FCF1: variants seen among roughly 807,000 people sequenced by gnomAD.
FCF1 encodes the protein FCF1 rRNA-processing protein, also known as rRNA-processing protein FCF1 homolog.
In FCF1, 17 loss-of-function variants were observed where a neutral mutation model predicts 32.5. That is an observed-to-expected ratio of 0.52 (90% confidence interval 0.36 to 0.78). The LOEUF (loss-of-function observed/expected upper bound fraction) is 0.78. Ranked by LOEUF, FCF1 falls within the 30% of genes least tolerant of loss-of-function variation. The pLI is 0.00. For synonymous variants in FCF1, 84 were observed against 78.4 expected, an observed-to-expected ratio of 1.07 and a Z score of -0.38; for missense variants, 201 against 241.1, an observed-to-expected ratio of 0.83 and a Z score of 1.10.
At chr14:74,720,675 T>TCTTG (rs2090489109) in intron 4 of FCF1, among the ~76,000 whole-genome samples, 1 of 152,146 alleles carries the variant, frequency 6.6e-6, no homozygotes, top group Non-Finnish European at 1.5e-5. Flanking sequence ...TGAGTCAAGG[T>TCTTG]CTTGCTATGT....
At chr14:74,714,681 C>T (rs1167402812) in intron 2 of FCF1, among the ~76,000 whole-genome samples, 191 bp from the exon 3 acceptor site, 4 of 151,846 alleles carry the variant, frequency 2.6e-5, no homozygotes, top group Non-Finnish European at 5.9e-5. Flanking sequence ...AATTCTGATA[C>T]TTCCAGGTAC....
rs1017937063 is a variant in FCF1, at chr14:74,736,431, AT to A, written c.*1502del. On this transcript the variant is annotated 3_prime_UTR_variant, in exon 8 of 8. Coordinates refer to ENST00000341162, the MANE Select transcript of FCF1 (RefSeq NM_015962.5). ...TCTCAAAAAAAAAAAAAAATTAATG[AT>A]GGTCAAAGGGTATAAAATCTCAGAC... is the stretch of plus-strand genomic sequence containing the variant. 35 of 151,778 alleles carry A rather than the reference AT, an allele frequency of 2.3e-4. No homozygotes were observed. Among genetic ancestry groups the A allele is most frequent in the African/African-American group, 8.5e-4 (35 of 41,280 alleles). 9.4% of individuals were successfully genotyped at this position (151,778 alleles called of 1,614,324 possible).
chr14:74,733,694 A>G (rs1011184636), intron 6 of FCF1, among the ~76,000 whole-genome samples: 7 of 152,152 alleles, frequency 4.6e-5, no homozygotes, highest in African/African-American at 1.4e-4. Flanking sequence ...GGAGGGAGCT[A>G]TGGCCTCCAA....
chr14:74,716,153 A>G, intron 4 of FCF1, 54 bp downstream of exon 4: 1 of 1,532,438 alleles, frequency 6.5e-7, no homozygotes, highest in Non-Finnish European at 9.0e-7. Flanking sequence ...AATTATATTT[A>G]TACAAATACA....
At chr14:74,724,745 A>G (rs926542579) in intron 5 of FCF1, among the ~76,000 whole-genome samples, 1 of 152,030 alleles carries the variant, frequency 6.6e-6, no homozygotes, top group African/African-American at 2.4e-5. Flanking sequence ...TCTCCACAAA[A>G]AGTAAAAAAA....
Position 74,718,567 on chromosome 14 carries a change from A to G in FCF1, c.292+2468A>G, listed in dbSNP as rs368371490. On this transcript the variant is annotated intron_variant, in intron 4 of 7. Coordinates refer to ENST00000341162, the MANE Select transcript of FCF1 (RefSeq NM_015962.5). The stretch of plus-strand genomic sequence containing the variant: ...CTGCTCACTGCAACCTCTGCCTCCC[A>G]GGTTCAAGTGATTCTCCTGCCTCAG... Among the ~76,000 whole-genome samples the G allele has an allele frequency of 2.0e-5, 3 of 151,864 alleles. No individual in the cohort carries two copies. The South Asian group carries it at 6.2e-4, about 32-fold the overall frequency.
intron 2 of FCF1, 94 bp from the exon 3 acceptor site, chr14:74,714,778 C>CAAA (rs35901005): frequency 4.7e-5 from 62 of 1,309,824 alleles, no homozygotes; most frequent in Admixed American, 6.6e-5. Flanking sequence ...TTCAGTAGAC[C>CAAA]AAAAAAAAAA....
chr14:74,716,527 TA>T (rs2090423227), intron 4 of FCF1, among the ~76,000 whole-genome samples: 1 of 152,216 alleles, frequency 6.6e-6, no homozygotes, highest in Non-Finnish European at 1.5e-5. Flanking sequence ...AGAAGTTAGA[TA>T]GATGATGGTC....
intron 7 of FCF1, 31 bp from the exon 8 acceptor site, chr14:74,734,851 C>T: frequency 1.2e-6 from 2 of 1,600,744 alleles, no homozygotes; most frequent in Non-Finnish European, 1.7e-6. Context: ...TCCCATCTTT[C>T]TTACCGGTGT....
At chr14:74,725,078 AAAG>A (rs1188823212) in intron 5 of FCF1, among the ~76,000 whole-genome samples, 8 of 151,838 alleles carry the variant, frequency 5.3e-5, no homozygotes, top group Non-Finnish European at 8.8e-5. Flanking sequence ...GTAAAAAAAA[AAAG>A]AAAGAAAAAG....
In FCF1 at chr14:74,738,197, C is replaced by A. The variant is rs994710391; in HGVS notation, c.*3267C>A. 14 of 152,088 alleles carry A rather than the reference C, an allele frequency of 9.2e-5. No individual in the cohort carries two copies. Among genetic ancestry groups the A allele is most frequent in the African/African-American group, 3.4e-4 (14 of 41,406 alleles). 9.4% of individuals were successfully genotyped at this position (152,088 alleles called of 1,614,324 possible). ...CCAGGCCCTGATGATCCACCCCAGC[C>A]TCTCAAGTAGCTGGGATTTTTGTAT... On this transcript the variant is annotated 3_prime_UTR_variant, in exon 8 of 8. Coordinates refer to ENST00000341162, the MANE Select transcript of FCF1 (RefSeq NM_015962.5).
chr14:74,726,198 A>C (rs868095670), intron 5 of FCF1, among the ~76,000 whole-genome samples: 2 of 151,954 alleles, frequency 1.3e-5, no homozygotes, highest in South Asian at 2.1e-4. Flanking sequence ...AAAAAAAAAC[A>C]ACAGCAGTCA....
intron 4 of FCF1, among the ~76,000 whole-genome samples, chr14:74,717,574 T>C (rs1375400236): frequency 3.3e-5 from 5 of 152,222 alleles, no homozygotes; most frequent in African/African-American, 1.2e-4. Context: ...AATAAATCTT[T>C]TAGAAATAAT....
At chr14:74,719,984 C>CA (rs1170545055) in intron 4 of FCF1, among the ~76,000 whole-genome samples, 1 of 151,520 alleles carries the variant, frequency 6.6e-6, no homozygotes. Flanking sequence ...ACTAAAAATC[C>CA]AAAAAAAATT....
intron 5 of FCF1, 127 bp downstream of exon 5, chr14:74,723,471 G>T: frequency 3.1e-6 from 2 of 648,196 alleles, no homozygotes; most frequent in South Asian, 4.0e-5. Context: ...TTTTGGGGGG[G>T]TTGTTTTGGT....
chr14:74,713,149 A>G lies in FCF1; in HGVS notation c.-49A>G. The G allele has an allele frequency of 1.2e-6, 2 of 1,614,124 alleles. No individual in the cohort carries two copies. Among genetic ancestry groups the G allele is most frequent in the Non-Finnish European group, 8.5e-7 (1 of 1,180,028 alleles). On this transcript the variant is annotated 5_prime_UTR_variant, in exon 1 of 8. Transcript: ENST00000341162. ...GGAAGCAGTATGTGAATGACGTAGA[A>G]GTATTGCGCCGTTGGTGATTACGGA...
At chr14:74,714,973 T>C in intron 3 of FCF1, 30 bp downstream of exon 3, 1 of 1,565,276 alleles carries the variant, frequency 6.4e-7, no homozygotes, top group Admixed American at 2.1e-5. Flanking sequence ...AAGTTTTCCT[T>C]TAAAACCATA....
At chr14:74,715,504 A>G (rs1336522569) in intron 3 of FCF1, among the ~76,000 whole-genome samples, 1 of 152,194 alleles carries the variant, frequency 6.6e-6, no homozygotes, top group African/African-American at 2.4e-5. Flanking sequence ...AACTTGGGCT[A>G]GATGTGATAC....
chr14:74,731,810 CT>C (rs1189822243), intron 5 of FCF1, among the ~76,000 whole-genome samples: 3 of 152,128 alleles, frequency 2.0e-5, no homozygotes, highest in African/African-American at 7.2e-5. Flanking sequence ...TTGTGTTGCA[CT>C]TGGTACATAT....
Sources: gnomAD v4.1 joint callset for allele counts (sites outside exome capture counted in the v4.1 genomes callset) on GRCh38, gnomAD v4.1.1 for gene constraint, MANE v1.5 for transcripts, NCBI Gene and HGNC (gene_info 2026-07-23, HGNC 2026-07-21) for gene names.